The following BBS9 variants were observed in gnomAD, a reference collection of about 807,000 sequenced individuals.
The protein encoded by BBS9 is Bardet-Biedl syndrome 9.
Under a neutral mutation model 117.7 loss-of-function variants are expected in BBS9, and 89 were observed. The observed-to-expected ratio is 0.76, with a 90% CI of 0.64 to 0.90. The LOEUF (loss-of-function observed/expected upper bound fraction) is 0.90. Among genes scored for constraint, BBS9 ranks in the 40% least tolerant of loss-of-function variants. The probability of loss-of-function intolerance (pLI) is 0.00; values close to 1 mark genes in which losing one functional copy is unlikely to be tolerated. For missense variants in BBS9, 982 were observed against 1,042.2 expected, an observed-to-expected ratio of 0.94 and a Z score of 0.80; for synonymous variants, 379 against 370.9, an observed-to-expected ratio of 1.02 and a Z score of -0.25.
At chr7:33,323,475 A>T (rs1283528605) in intron 9 of BBS9, among the ~76,000 whole-genome samples, 6 of 151,954 alleles carry the variant, frequency 3.9e-5, no homozygotes, top group Non-Finnish European at 7.4e-5. Flanking sequence ...AGTTTTTTTT[A>T]AATCATTATA....
At chr7:33,207,294 A>G (rs1401375159) in intron 5 of BBS9, among the ~76,000 whole-genome samples, 1 of 152,202 alleles carries the variant, frequency 6.6e-6, no homozygotes, top group Non-Finnish European at 1.5e-5. Context: ...TTGCAAAATG[A>G]TGATTTCCAA....
intron 9 of BBS9, among the ~76,000 whole-genome samples, chr7:33,309,006 G>T (rs778179819): frequency 2.0e-4 from 31 of 152,274 alleles, no homozygotes; most frequent in Admixed American, 5.9e-4. Flanking sequence ...GAGTGAGCTT[G>T]GTTCATTTAT....
intron 20 of BBS9, among the ~76,000 whole-genome samples, chr7:33,525,827 C>T (rs1424665386): frequency 2.7e-5 from 4 of 146,088 alleles, no homozygotes; most frequent in Non-Finnish European, 6.0e-5. Context: ...TTAGTTGATG[C>T]AGTTTCTTCC....
intron 9 of BBS9, chr7:33,314,600 TGTA>T (rs1416954691): frequency 6.5e-6 from 1 of 154,858 alleles, no homozygotes; most frequent in Non-Finnish European, 1.4e-5. Flanking sequence ...TCTGGAGTGT[TGTA>T]GTGTGTTTGT....
chr7:33,256,793 A>G (rs909947465), intron 5 of BBS9, among the ~76,000 whole-genome samples: 2 of 152,072 alleles, frequency 1.3e-5, no homozygotes, highest in African/African-American at 2.4e-5. Context: ...ATTTTTCCCT[A>G]TGTAATACAT....
intron 5 of BBS9, among the ~76,000 whole-genome samples, chr7:33,189,042 G>C (rs1292684098): frequency 6.6e-6 from 1 of 152,008 alleles, no homozygotes; most frequent in Non-Finnish European, 1.5e-5. Flanking sequence ...TTGTTTTAGA[G>C]ACAGGGTCTA....
rs767924647 is a variant in BBS9 at position 33,534,053 on chromosome 7, A to G, written c.2398A>G (p.Asn800Asp). Reference protein sequence around the residue: ...EQALNLNSQLNIPKDTSQLKK... With the variant: ...EQALNLNSQLDIPKDTSQLKK... Reference sequence around the variant, plus strand: ...GGCTTTGAACCTCAACAGCCAGCTGAACATACCCAAAGACACAAGCCAACT... The same window carrying G: ...GGCTTTGAACCTCAACAGCCAGCTGGACATACCCAAAGACACAAGCCAACT... The change falls in exon 21 of 23, where the codon AAC (asparagine) becomes GAC (aspartate). Residue 800 changes from asparagine to aspartate, a missense_variant. Physicochemically the swap from Asn to Asp is conservative, Grantham distance 23. Coordinates refer to ENST00000242067, the MANE Select transcript of BBS9 (RefSeq NM_198428.3). 39 of 1,614,222 alleles carry G rather than the reference A, an allele frequency of 2.4e-5. No homozygotes were observed. The highest frequency in any genetic ancestry group is 3.2e-5 in the Non-Finnish European group (38 of 1,180,044).
chr7:33,226,373 A>G (rs1418243760), intron 5 of BBS9, among the ~76,000 whole-genome samples: 1 of 152,134 alleles, frequency 6.6e-6, no homozygotes, highest in African/African-American at 2.4e-5. Context: ...TTTATATCTG[A>G]TAGGTCTTTT....
At chr7:33,590,459 G>GTTTTTTTTTTTTTTTT (rs71554107) in intron 21 of BBS9, among the ~76,000 whole-genome samples, 34 of 101,440 alleles carry the variant, frequency 3.4e-4, no homozygotes, top group Non-Finnish European at 5.1e-4. Flanking sequence ...TTGTTTTTTT[G>GTTTTTTTTTTTTTTTT]TTTTTTTTTT....
intron 21 of BBS9, among the ~76,000 whole-genome samples, chr7:33,631,703 A>T (rs1307866356): frequency 2.0e-5 from 3 of 152,120 alleles, no homozygotes; most frequent in Non-Finnish European, 2.9e-5. Context: ...ATGCAAACCA[A>T]ATTCCAGCTC....
At chr7:33,147,934 G>GCCTGGATA (rs71551988) in intron 2 of BBS9, among the ~76,000 whole-genome samples, 23,908 of 151,976 alleles carry the variant, frequency 0.16, 2,025 homozygotes, top group South Asian at 0.21. Context: ...GTGTTCCAAA[G>GCCTGGATA]CCTGTGTCAT....
At chr7:33,600,258 T>A (rs2700677) in intron 21 of BBS9, among the ~76,000 whole-genome samples, 42 of 152,006 alleles carry the variant, frequency 2.8e-4, no homozygotes, top group African/African-American at 8.9e-4. Flanking sequence ...TTGAAAGGGC[T>A]TTTTTACGAC....
rs564474226 is a variant in BBS9 at position 33,300,797 on chromosome 7, G to A, written c.1016+26841G>A. Among the ~76,000 whole-genome samples the A allele has an allele frequency of 2.0e-5, 3 of 152,062 alleles. No homozygotes were observed. The East Asian group carries it at 5.8e-4, about 29-fold the overall frequency. On this transcript the variant is annotated intron_variant, in intron 9 of 22. Coordinates refer to ENST00000242067, the MANE Select transcript of BBS9 (RefSeq NM_198428.3). ...TCTAAATCTTCAAGCTGCTATCTGA[G>A]ATTATTTTTCCTTCTGCCTAAAAAA...
At chr7:33,333,318 T>A (rs1814545939) in intron 9 of BBS9, among the ~76,000 whole-genome samples, 1 of 152,186 alleles carries the variant, frequency 6.6e-6, no homozygotes, top group Admixed American at 6.5e-5. Flanking sequence ...CATATTTGGT[T>A]GTCTAAGTTA....
intron 5 of BBS9, among the ~76,000 whole-genome samples, chr7:33,200,485 GT>G: frequency 6.6e-6 from 1 of 152,112 alleles, no homozygotes; most frequent in East Asian, 1.9e-4. Context: ...TCATTGTAGA[GT>G]ACTAAGATCA....
chr7:33,193,854 C>T (rs910846270), intron 5 of BBS9, among the ~76,000 whole-genome samples: 12 of 152,174 alleles, frequency 7.9e-5, no homozygotes, highest in Admixed American at 7.2e-4. Context: ...TCTTACTATT[C>T]ATCAGTTTTC....
intron 9 of BBS9, among the ~76,000 whole-genome samples, chr7:33,322,742 T>G (rs12112737): frequency 0.99 from 150,736 of 152,034 alleles, 74,744 homozygotes; most frequent in Non-Finnish European, 1. Flanking sequence ...ATTTATTTCT[T>G]CTGTGATGTT....
intron 21 of BBS9, among the ~76,000 whole-genome samples, chr7:33,574,800 C>T (rs1377668527): frequency 7.0e-6 from 1 of 143,292 alleles, no homozygotes; most frequent in East Asian, 2.0e-4. Flanking sequence ...GAGAGTTTGA[C>T]AGGTTATTTC....
At chr7:33,498,130 A>G (rs1844979867) in intron 19 of BBS9, among the ~76,000 whole-genome samples, 1 of 152,188 alleles carries the variant, frequency 6.6e-6, no homozygotes, top group African/African-American at 2.4e-5. Context: ...ACTAATAAGT[A>G]GCATCACCAG....
Sources: allele counts gnomAD v4.1 joint callset (sites outside exome capture counted in the v4.1 genomes callset), GRCh38; gene constraint gnomAD v4.1.1; transcripts MANE v1.5; gene names NCBI Gene and HGNC (gene_info 2026-07-23, HGNC 2026-07-21).